The following GRM8 variants were observed in gnomAD, a reference collection of about 807,000 sequenced individuals.
The protein encoded by GRM8 is metabotropic glutamate receptor 8.
Under a neutral mutation model 87.2 loss-of-function variants are expected in GRM8, and 47 were observed. The observed-to-expected ratio is 0.54, with a 90% CI of 0.43 to 0.69. GRM8 has a LOEUF of 0.69. GRM8 is among the 30% of genes least tolerant of loss of function. The pLI is 0.00. For missense variants in GRM8, 1,019 were observed against 1,139.2 expected (o/e 0.89, Z 1.52); for synonymous variants, 396 against 404.5 (o/e 0.98, Z 0.25).
Position 126,677,400 on chromosome 7 carries a change from G to A in GRM8, c.1358-67902C>T, listed in dbSNP as rs115208732. Among the ~76,000 whole-genome samples, 1,479 of 148,080 alleles carry A rather than the reference G, an allele frequency of 1.0e-2. 11 individuals are homozygous for A. The highest frequency in any genetic ancestry group is 0.013 in the African/African-American group (524 of 40,552). ...AGCCATATCAAAAAGACACCTGCACGCATATAGTTATCACAGTACAATTCA... is the reference window on the plus strand; with the variant it reads ...AGCCATATCAAAAAGACACCTGCACACATATAGTTATCACAGTACAATTCA... On this transcript the variant is annotated intron_variant, in intron 7 of 10. Transcript: ENST00000339582.
At chr7:126,726,652 T>C (rs1054476780) in intron 7 of GRM8, among the ~76,000 whole-genome samples, 2 of 152,142 alleles carry the variant, frequency 1.3e-5, no homozygotes, top group Non-Finnish European at 2.9e-5. Flanking sequence ...ACAGAGTCCA[T>C]TATAATTCAG....
chr7:126,844,076 A>G (rs933116383), intron 6 of GRM8, among the ~76,000 whole-genome samples: 6 of 152,228 alleles, frequency 3.9e-5, no homozygotes, highest in African/African-American at 1.2e-4. Context: ...CTCAGATAGT[A>G]GCTTTCAGAT....
intron 2 of GRM8, among the ~76,000 whole-genome samples, chr7:127,141,721 T>A (rs1828281823): frequency 6.6e-6 from 1 of 152,144 alleles, no homozygotes; most frequent in Non-Finnish European, 1.5e-5. Flanking sequence ...ATAATTTAAT[T>A]TCAGCATCTG....
At chr7:126,976,509 G>A (rs957807572) in intron 3 of GRM8, among the ~76,000 whole-genome samples, 2 of 152,062 alleles carry the variant, frequency 1.3e-5, no homozygotes, top group African/African-American at 2.4e-5. Context: ...CAGGACAATC[G>A]CTTGAACCTA....
intron 9 of GRM8, among the ~76,000 whole-genome samples, chr7:126,523,498 A>ATTT (rs34139224): frequency 1.4e-5 from 2 of 141,928 alleles, no homozygotes. Flanking sequence ...AGACCTCTCA[A>ATTT]TTTTTTTTTT....
chr7:126,764,844 C>T (rs1393996641), intron 7 of GRM8, among the ~76,000 whole-genome samples: 2 of 152,040 alleles, frequency 1.3e-5, no homozygotes, highest in Non-Finnish European at 2.9e-5. Flanking sequence ...TGATTCCTGT[C>T]TCCCTCAGGC....
intron 2 of GRM8, among the ~76,000 whole-genome samples, chr7:127,122,084 G>A (rs909246136): frequency 6.6e-5 from 10 of 152,206 alleles, no homozygotes; most frequent in Admixed American, 2.6e-4. Flanking sequence ...ACCTTAGAGA[G>A]TAGGCTTATG....
At chr7:126,512,274 A>G (rs1350224280) in intron 9 of GRM8, 1 of 152,190 alleles carries the variant, frequency 6.6e-6, no homozygotes, top group Non-Finnish European at 1.5e-5. Flanking sequence ...AGGCAATCCC[A>G]TTATTAACTG....
At chr7:126,575,071 C>T (rs1208921067) in intron 8 of GRM8, among the ~76,000 whole-genome samples, 1 of 152,138 alleles carries the variant, frequency 6.6e-6, no homozygotes, top group Non-Finnish European at 1.5e-5. Flanking sequence ...TCCTCTAGGG[C>T]AGGGGTTCCC....
intron 2 of GRM8, among the ~76,000 whole-genome samples, chr7:127,203,239 C>T (rs1795709044): frequency 1.3e-5 from 2 of 152,184 alleles, no homozygotes; most frequent in Non-Finnish European, 2.9e-5. Context: ...TGATGGGGTA[C>T]ACATGGATGT....
chr7:126,587,191 G>C (rs2402818), intron 8 of GRM8, among the ~76,000 whole-genome samples: 46,961 of 152,076 alleles, frequency 0.31, 8,132 homozygotes, highest in East Asian at 0.44. Flanking sequence ...GTGATGGAGA[G>C]GATGTGGAGA....
chr7:126,729,627 G>A (rs1211346115), intron 7 of GRM8, among the ~76,000 whole-genome samples: 4 of 152,150 alleles, frequency 2.6e-5, no homozygotes, highest in Admixed American at 2.0e-4. Flanking sequence ...CAGTTTAGAA[G>A]TTCTGCATTT....
chr7:127,145,008 C>T (rs1217554947), intron 2 of GRM8, among the ~76,000 whole-genome samples: 1 of 152,026 alleles, frequency 6.6e-6, no homozygotes, highest in Non-Finnish European at 1.5e-5. Flanking sequence ...AGTCGACAAA[C>T]ATTTGAACAT....
In GRM8 at chr7:126,897,581, G is replaced by A. The variant is rs1392933488; in HGVS notation, c.1156+4961C>T. Among the ~76,000 whole-genome samples, 3 of 151,374 alleles carry A rather than the reference G, an allele frequency of 2.0e-5. No individual in the cohort carries two copies. The East Asian group carries it at 5.8e-4, about 29-fold the overall frequency. The stretch of plus-strand genomic sequence containing the variant: ...GAGAGTACAATGAGGGAGGGAGGAA[G>A]GAAGGGAGGGAGAGGTCAGATAAAA... On this transcript the variant is annotated intron_variant, in intron 6 of 10. Coordinates refer to ENST00000339582, the MANE Select transcript of GRM8 (RefSeq NM_000845.3).
At chr7:126,706,465 G>T (rs370896325) in intron 7 of GRM8, among the ~76,000 whole-genome samples, 2 of 152,184 alleles carry the variant, frequency 1.3e-5, no homozygotes, top group South Asian at 2.1e-4. Context: ...TCAGTAAGGT[G>T]GGGGGAAATC....
chr7:126,603,368 G>A (rs1029453888), intron 8 of GRM8, among the ~76,000 whole-genome samples: 1 of 149,474 alleles, frequency 6.7e-6, no homozygotes, highest in Admixed American at 6.7e-5. Flanking sequence ...TCAACATAGT[G>A]TTGGAAGTTC....
At position 127,106,631 on chromosome 7, in the gene GRM8, G is replaced by A. The variant is rs1414902376; in HGVS notation, c.592C>T (p.Pro198Ser). ...RYDFFSRVVP[P>S]DSYQAQAMVD... ...ATGGCTTGGGCTTGGTAGGAGTCAG[G>A]CGGAACCACTCGAGAGAAAAAGTCA... The change falls in exon 3 of 11, where the codon CCT (proline) becomes TCT (serine). Residue 198 changes from proline to serine, a missense_variant. Coordinates refer to ENST00000339582, the MANE Select transcript of GRM8 (RefSeq NM_000845.3). 1 of 1,614,032 alleles carries A rather than the reference G, an allele frequency of 6.2e-7. No individual in the cohort carries two copies. The highest frequency in any genetic ancestry group is 1.1e-5 in the South Asian group (1 of 91,070).
intron 2 of GRM8, among the ~76,000 whole-genome samples, chr7:127,134,015 C>CG (rs1827829927): frequency 6.6e-6 from 1 of 152,102 alleles, no homozygotes; most frequent in Non-Finnish European, 1.5e-5. Flanking sequence ...TCTGTGAGTT[C>CG]GGTATTATCT....
intron 6 of GRM8, among the ~76,000 whole-genome samples, chr7:126,902,187 A>G (rs1236109832): frequency 2.0e-5 from 3 of 152,204 alleles, no homozygotes; most frequent in Non-Finnish European, 2.9e-5. Flanking sequence ...ACTTATCATG[A>G]TACATATTAC....
Sources: gnomAD v4.1 joint callset for allele counts (sites outside exome capture counted in the v4.1 genomes callset) on GRCh38, gnomAD v4.1.1 for gene constraint, MANE v1.5 for transcripts, NCBI Gene and HGNC (gene_info 2026-07-23, HGNC 2026-07-21) for gene names.